The following ZDHHC11B variants were observed in gnomAD, a reference collection of about 807,000 sequenced individuals.
ZDHHC11B encodes zDHHC palmitoyltransferase 11B (putative), also known as probable palmitoyltransferase ZDHHC11B.
ZDHHC11B carries 17 observed loss-of-function variants against 42.3 expected under a neutral mutation model. The ratio of observed to expected loss-of-function variants is 0.40; its 90% CI spans 0.27 to 0.60. The LOEUF is 0.60. Among genes scored for constraint, ZDHHC11B ranks in the 20% least tolerant of loss-of-function variants. The pLI, the probability that ZDHHC11B is intolerant of heterozygous loss-of-function variation, is 0.41. For synonymous variants in ZDHHC11B, 123 were observed against 193.5 expected (o/e 0.64, Z 3.02); for missense variants, 262 against 463.2 (o/e 0.57, Z 3.99).
At chr5:783,353 C>A (rs1736996164) in intron 1 of ZDHHC11B, among the ~76,000 whole-genome samples, 1 of 152,290 alleles carries the variant, frequency 6.6e-6, no homozygotes, top group African/African-American at 2.4e-5. Context: ...CTCCCCTCCA[C>A]TTCCTGCCCC....
intron 3 of ZDHHC11B, among the ~76,000 whole-genome samples, chr5:767,163 G>A (rs1386929861): frequency 4.6e-5 from 7 of 152,082 alleles, no homozygotes; most frequent in East Asian, 1.9e-4. Flanking sequence ...GGCCAGAGCC[G>A]AGTGGCAACA....
At chr5:737,481 A>G (rs1358007503) in intron 10 of ZDHHC11B, among the ~76,000 whole-genome samples, 1 of 143,688 alleles carries the variant, frequency 7.0e-6, no homozygotes, top group Non-Finnish European at 1.5e-5. Flanking sequence ...TACCCAAACC[A>G]TGAAAGGACA....
chr5:766,956 C>G (rs761459773), intron 3 of ZDHHC11B, 37 bp from the exon 4 acceptor site: 1 of 1,601,386 alleles, frequency 6.2e-7, no homozygotes, highest in South Asian at 1.1e-5. Flanking sequence ...GCGCCATCAG[C>G]TCCGGGGAGG....
Position 784,659 on chromosome 5 carries a change from C to G in ZDHHC11B, c.-230+9G>C, listed in dbSNP as rs1329820167. On this transcript the variant is annotated intron_variant, in intron 1 of 13. Transcript: ENST00000508859. ...CGCGCCCGCAGGACCGAGCCCCGCG[C>G]CCGCTTACCTTGGAGACGCAGCAAC... is the stretch of plus-strand genomic sequence containing the variant. Among the ~76,000 whole-genome samples, 2 of 151,048 alleles carry G rather than the reference C, an allele frequency of 1.3e-5. No individual in the cohort carries two copies. The highest frequency in any genetic ancestry group is 3.0e-5 in the Non-Finnish European group (2 of 67,532).
chr5:773,305 C>A (rs11741119), intron 1 of ZDHHC11B, among the ~76,000 whole-genome samples: 25,007 of 148,830 alleles, frequency 0.17, 932 homozygotes, highest in African/African-American at 0.26. Context: ...TGCACCTGAG[C>A]CCTGGGTGCA....
intron 13 of ZDHHC11B, among the ~76,000 whole-genome samples, chr5:715,901 G>A (rs570521272): frequency 6.6e-6 from 1 of 151,562 alleles, no homozygotes; most frequent in South Asian, 2.1e-4. Context: ...CAGGAACTCT[G>A]AGGATACCAG....
At chr5:774,941 G>A (rs1189193362) in intron 1 of ZDHHC11B, among the ~76,000 whole-genome samples, 1 of 152,026 alleles carries the variant, frequency 6.6e-6, no homozygotes, top group Non-Finnish European at 1.5e-5. Flanking sequence ...TCACGTGGAT[G>A]GCTGTGGGGT....
At chr5:732,789 A>G in intron 11 of ZDHHC11B, 1 of 290,648 alleles carries the variant, frequency 3.4e-6, no homozygotes, top group Non-Finnish European at 6.9e-6. Flanking sequence ...CTGTGCTATT[A>G]GAGGCTCACG....
intron 1 of ZDHHC11B, among the ~76,000 whole-genome samples, chr5:783,839 C>T (rs1737053301): frequency 7.1e-6 from 1 of 141,466 alleles, no homozygotes; most frequent in South Asian, 2.3e-4. Context: ...CTCCCAAACC[C>T]CATCAAAACA....
chr5:771,257 C>G (rs2115253), intron 1 of ZDHHC11B, among the ~76,000 whole-genome samples: 5 of 151,842 alleles, frequency 3.3e-5, no homozygotes, highest in East Asian at 1.9e-4. Flanking sequence ...GAGTGTGGCC[C>G]CTGCTGAACT....
At chr5:724,032 C>T (rs1445874139) in intron 12 of ZDHHC11B, among the ~76,000 whole-genome samples, 2 of 148,760 alleles carry the variant, frequency 1.3e-5, no homozygotes, top group African/African-American at 5.0e-5. Context: ...CTCCTCTCCT[C>T]TCTAGCTCCT....
chr5:769,451 T>C (rs1274736437), intron 1 of ZDHHC11B, among the ~76,000 whole-genome samples: 41 of 149,882 alleles, frequency 2.7e-4, no homozygotes, highest in African/African-American at 9.8e-4. Context: ...AAGCTGAAGA[T>C]TATATAGATC....
intron 1 of ZDHHC11B, among the ~76,000 whole-genome samples, chr5:776,428 G>C (rs564855038): frequency 4.6e-5 from 7 of 151,988 alleles, no homozygotes; most frequent in Admixed American, 2.6e-4. Context: ...TAAATCCGAA[G>C]CACAGGAATG....
In ZDHHC11B at chr5:767,408, C is replaced by A. The variant is rs570261879; in HGVS notation, c.-17G>T. The A allele has an allele frequency of 2.7e-5, 43 of 1,570,824 alleles. 1 individual carries two copies. The highest frequency in any genetic ancestry group is 3.5e-5 in the Admixed American group (2 of 56,484). ...AACACCTGCCTCGGCGCACACTGCA[C>A]GCCTGTCTCATCTCCGTAGGCTGAG... is the stretch of plus-strand genomic sequence containing the variant. On this transcript the variant is annotated 5_prime_UTR_variant, in exon 3 of 14. Transcript: ENST00000508859.
Position 714,916 on chromosome 5 carries a change from C to G in ZDHHC11B, c.*7+1885G>C, listed in dbSNP as rs537158996. ...CATGCTCTAGTACTTCTTGCTCTAA[C>G]CAACCCATGAGACCTTGTTGTTGAA... is the stretch of plus-strand genomic sequence containing the variant. On this transcript the variant is annotated intron_variant, in intron 13 of 13. Coordinates refer to ENST00000508859, the MANE Select transcript of ZDHHC11B (RefSeq NM_001351303.2). Among the ~76,000 whole-genome samples, 16 of 151,330 alleles carry G rather than the reference C, an allele frequency of 1.1e-4. 1 individual carries two copies. Among genetic ancestry groups the G allele is most frequent in the Admixed American group, 3.9e-4 (6 of 15,210 alleles).
At chr5:767,327 G>C (rs1427711010) in intron 3 of ZDHHC11B, 65 bp downstream of exon 3, 11 of 1,529,934 alleles carry the variant, frequency 7.2e-6, no homozygotes, top group African/African-American at 1.4e-5. Flanking sequence ...TGGGGCTCCG[G>C]GTCCCACACC....
chr5:778,896 A>C (rs1736756985), intron 1 of ZDHHC11B, among the ~76,000 whole-genome samples: 2 of 151,824 alleles, frequency 1.3e-5, no homozygotes, highest in Admixed American at 6.6e-5. Context: ...TTGGGGGATG[A>C]GATTCAGCTA....
chr5:752,587 G>A lies in ZDHHC11B; in HGVS notation c.504-1330C>T, dbSNP rs1325272355. ...TCCCTTTTTCTATTTTCAACTGGAG[G>A]CCAGAGCATGAATGCCGCAGTCGTC... is the stretch of plus-strand genomic sequence containing the variant. On this transcript the variant is annotated intron_variant, in intron 6 of 13. Coordinates refer to ENST00000508859, the MANE Select transcript of ZDHHC11B (RefSeq NM_001351303.2). Among the ~76,000 whole-genome samples the A allele has an allele frequency of 1.2e-4, 11 of 92,132 alleles. 1 individual carries two copies. The highest frequency in any genetic ancestry group is 2.6e-4 in the Non-Finnish European group (10 of 38,996). The allele number at this position is 92,132 out of a possible 152,430, so 60.4% of individuals were successfully genotyped here.
At chr5:748,634 G>A in intron 7 of ZDHHC11B, 75 bp from the exon 8 acceptor site, 1 of 1,280,412 alleles carries the variant, frequency 7.8e-7, no homozygotes, top group Non-Finnish European at 1.0e-6. Context: ...TCACAGACCA[G>A]AGCTTGCTGG....
Sources: allele counts gnomAD v4.1 joint callset (sites outside exome capture counted in the v4.1 genomes callset), GRCh38; gene constraint gnomAD v4.1.1; transcripts MANE v1.5; gene names NCBI Gene and HGNC (gene_info 2026-07-23, HGNC 2026-07-21).